The following SPOCK3 variants were observed in gnomAD, a reference collection of about 807,000 sequenced individuals.
SPOCK3 encodes the protein SPARC (osteonectin), cwcv and kazal like domains proteoglycan 3.
Under a neutral mutation model 56.6 loss-of-function variants are expected in SPOCK3, and 30 were observed. The observed-to-expected ratio is 0.53, with a 90% CI of 0.40 to 0.72. SPOCK3 has a LOEUF of 0.72. Among genes scored for constraint, SPOCK3 ranks in the 30% least tolerant of loss-of-function variants. SPOCK3 has a pLI of 0.00. For synonymous variants in SPOCK3, 196 were observed against 183.3 expected (o/e 1.07, Z -0.56); for missense variants, 527 against 530.0 (o/e 0.99, Z 0.06).
At chr4:167,181,199 T>A (rs1469040071) in intron 2 of SPOCK3, among the ~76,000 whole-genome samples, 2 of 152,164 alleles carry the variant, frequency 1.3e-5, no homozygotes, top group Admixed American at 1.3e-4. Context: ...TCTGTGAACA[T>A]CCTCCTTGAG....
At chr4:166,909,605 C>T (rs1737036409) in intron 5 of SPOCK3, among the ~76,000 whole-genome samples, 1 of 152,090 alleles carries the variant, frequency 6.6e-6, no homozygotes, top group Non-Finnish European at 1.5e-5. Flanking sequence ...GACTGCACTT[C>T]CACACTGAAT....
At chr4:167,039,718 C>T (rs1040202825) in intron 3 of SPOCK3, among the ~76,000 whole-genome samples, 1 of 151,018 alleles carries the variant, frequency 6.6e-6, no homozygotes, top group Non-Finnish European at 1.5e-5. Flanking sequence ...TATACACTGT[C>T]AAAATTAAGT....
At chr4:167,118,176 T>G (rs1478526161) in intron 2 of SPOCK3, among the ~76,000 whole-genome samples, 1 of 152,170 alleles carries the variant, frequency 6.6e-6, no homozygotes. Flanking sequence ...GTATTGAATG[T>G]GATGTTTCTT....
intron 4 of SPOCK3, among the ~76,000 whole-genome samples, chr4:166,971,212 TA>T (rs1448303563): frequency 6.6e-6 from 1 of 152,216 alleles, no homozygotes; most frequent in Non-Finnish European, 1.5e-5. Flanking sequence ...TATTTGTACA[TA>T]GATTATCCCT....
At chr4:167,020,497 G>T (rs67905541) in intron 3 of SPOCK3, among the ~76,000 whole-genome samples, 3,739 of 151,988 alleles carry the variant, frequency 0.025, 163 homozygotes, top group African/African-American at 0.085. Flanking sequence ...CCTCATGAAT[G>T]AACTAAGGCT....
chr4:167,165,257 C>A (rs1765658101), intron 2 of SPOCK3, among the ~76,000 whole-genome samples: 1 of 152,070 alleles, frequency 6.6e-6, no homozygotes, highest in African/African-American at 2.4e-5. Flanking sequence ...AAGAAACCAG[C>A]ATCAGAGTGA....
At chr4:167,224,042 C>T (rs1192194710) in intron 2 of SPOCK3, among the ~76,000 whole-genome samples, 1 of 151,936 alleles carries the variant, frequency 6.6e-6, no homozygotes, top group Non-Finnish European at 1.5e-5. Flanking sequence ...GTGGATTTAA[C>T]TTATTTTTAA....
At chr4:166,968,818 A>C (rs998564750) in intron 4 of SPOCK3, among the ~76,000 whole-genome samples, 5 of 152,148 alleles carry the variant, frequency 3.3e-5, no homozygotes, top group Non-Finnish European at 5.9e-5. Flanking sequence ...AATTCTCCAG[A>C]CTTCACAATG....
chr4:167,109,065 T>TATATAAA (rs1328710834), intron 2 of SPOCK3, among the ~76,000 whole-genome samples: 2 of 1,798 alleles, frequency 1.1e-3, no homozygotes, highest in Non-Finnish European at 1.5e-3. Context: ...TATATAAATA[T>TATATAAA]TATATATTTA....
At chr4:166,907,395 G>A (rs1050081781) in intron 5 of SPOCK3, among the ~76,000 whole-genome samples, 1 of 152,078 alleles carries the variant, frequency 6.6e-6, no homozygotes, top group Non-Finnish European at 1.5e-5. Flanking sequence ...CATTGATCAA[G>A]TCAATGAGCA....
At chr4:166,779,419 C>T (rs1177089559) in intron 7 of SPOCK3, among the ~76,000 whole-genome samples, 3 of 151,532 alleles carry the variant, frequency 2.0e-5, no homozygotes, top group East Asian at 1.9e-4. Flanking sequence ...GTAATAATTG[C>T]AACAATAGAA....
chr4:166,973,015 C>G (rs983088184), intron 4 of SPOCK3, among the ~76,000 whole-genome samples: 2 of 152,124 alleles, frequency 1.3e-5, no homozygotes, highest in Admixed American at 6.6e-5. Flanking sequence ...CCACCGAAAT[C>G]TCATCTTAAA....
intron 7 of SPOCK3, among the ~76,000 whole-genome samples, chr4:166,764,277 G>A (rs1737661896): frequency 6.6e-6 from 1 of 152,146 alleles, no homozygotes; most frequent in South Asian, 2.1e-4. Context: ...TACCATGTTG[G>A]TGTGCGGCAC....
intron 10 of SPOCK3, among the ~76,000 whole-genome samples, chr4:166,736,194 T>A (rs1349127453): frequency 6.6e-6 from 1 of 152,128 alleles, no homozygotes. Context: ...CTTCATCTAC[T>A]GTGTTAGTTA....
At chr4:166,771,117 G>A (rs1738881316) in intron 7 of SPOCK3, among the ~76,000 whole-genome samples, 1 of 150,066 alleles carries the variant, frequency 6.7e-6, no homozygotes, top group Non-Finnish European at 1.5e-5. Context: ...CTATTCAAGA[G>A]CTCTCAAAGT....
chr4:167,087,977 CAT>C (rs1758355508), intron 2 of SPOCK3, among the ~76,000 whole-genome samples: 1 of 151,652 alleles, frequency 6.6e-6, no homozygotes, highest in African/African-American at 2.4e-5. Context: ...ACGCTGATAA[CAT>C]ATACCACCAA....
intron 8 of SPOCK3, among the ~76,000 whole-genome samples, 166 bp from the exon 9 acceptor site, chr4:166,742,225 T>A (rs947449292): frequency 6.7e-5 from 6 of 89,996 alleles, no homozygotes; most frequent in Non-Finnish European, 1.4e-4. Flanking sequence ...CATACATGTG[T>A]CTATCTATCA....
At chr4:166,926,672 A>C (rs1234361590) in intron 4 of SPOCK3, among the ~76,000 whole-genome samples, 1 of 152,070 alleles carries the variant, frequency 6.6e-6, no homozygotes, top group African/African-American at 2.4e-5. Context: ...TCCCTATGAC[A>C]CCTGACCTCC....
chr4:167,073,864 T>G (rs1756927800), intron 2 of SPOCK3, among the ~76,000 whole-genome samples: 1 of 151,936 alleles, frequency 6.6e-6, no homozygotes, highest in African/African-American at 2.4e-5. Flanking sequence ...CTAAAAGATT[T>G]GCTTTGTGAC....
Sources: gnomAD v4.1 joint callset for allele counts (sites outside exome capture counted in the v4.1 genomes callset) on GRCh38, gnomAD v4.1.1 for gene constraint, MANE v1.5 for transcripts, NCBI Gene and HGNC (gene_info 2026-07-23, HGNC 2026-07-21) for gene names.